Variants in FOXP1 observed in about 807,000 individuals in gnomAD.
FOXP1 encodes forkhead box P1.
In FOXP1, 15 loss-of-function variants were observed where a neutral mutation model predicts 98.2. That is an observed-to-expected ratio of 0.15 (90% CI 0.10 to 0.24). The LOEUF (loss-of-function observed/expected upper bound fraction) is 0.24. Among genes scored for constraint, FOXP1 ranks in the 10% least tolerant of loss-of-function variants. The pLI is 1.00. For missense variants in FOXP1, 633 were observed against 848.5 expected, an observed-to-expected ratio of 0.75 and a Z score of 3.15; for synonymous variants, 371 against 314.5, an observed-to-expected ratio of 1.18 and a Z score of -1.90.
intron 2 of FOXP1, among the ~76,000 whole-genome samples, chr3:71,535,700 G>T (rs1410866512): frequency 6.6e-6 from 1 of 152,118 alleles, no homozygotes; most frequent in Non-Finnish European, 1.5e-5. Context: ...CTCCAGACTG[G>T]GTGACAGAGG....
At chr3:71,175,403 C>T (rs2061886875) in intron 6 of FOXP1, among the ~76,000 whole-genome samples, 2 of 152,366 alleles carry the variant, frequency 1.3e-5, no homozygotes, top group South Asian at 4.1e-4. Flanking sequence ...GGCTCCCTGC[C>T]TCTCCAATAG....
intron 2 of FOXP1, chr3:71,570,629 T>A (rs2047268186): frequency 6.6e-6 from 1 of 152,214 alleles, no homozygotes; most frequent in Non-Finnish European, 1.5e-5. Flanking sequence ...TAAGCAATCA[T>A]CTCAGCCCAA....
At chr3:71,060,877 G>A (rs1414429441) in intron 7 of FOXP1, among the ~76,000 whole-genome samples, 3 of 152,112 alleles carry the variant, frequency 2.0e-5, no homozygotes, top group Non-Finnish European at 4.4e-5. Context: ...TTGATTAGTT[G>A]CTTTTAACCG....
At chr3:70,973,833 CCG>C (rs1394315001) in intron 17 of FOXP1, among the ~76,000 whole-genome samples, 35 of 32,478 alleles carry the variant, frequency 1.1e-3, no homozygotes, top group African/African-American at 5.0e-3. Context: ...GTTTTGCACA[CCG>C]CCCCCCCCCC....
chr3:71,110,247 CAT>C (rs1210778498), intron 7 of FOXP1, among the ~76,000 whole-genome samples: 1 of 152,064 alleles, frequency 6.6e-6, no homozygotes, highest in Non-Finnish European at 1.5e-5. Flanking sequence ...CTAAAAATGC[CAT>C]ATGTTTTTAA....
chr3:71,396,902 G>A (rs2108165112), intron 3 of FOXP1, among the ~76,000 whole-genome samples: 1 of 96,886 alleles, frequency 1.0e-5, no homozygotes, highest in Admixed American at 1.1e-4. Flanking sequence ...GAGTCATAAG[G>A]AACATATATA....
intron 6 of FOXP1, among the ~76,000 whole-genome samples, chr3:71,115,010 C>T (rs1462349349): frequency 6.6e-6 from 1 of 152,104 alleles, no homozygotes; most frequent in Non-Finnish European, 1.5e-5. Context: ...AGCTATTGCA[C>T]ATGAAGGTTT....
At chr3:71,480,525 A>G (rs991650311) in intron 3 of FOXP1, among the ~76,000 whole-genome samples, 2 of 152,240 alleles carry the variant, frequency 1.3e-5, no homozygotes, top group Non-Finnish European at 2.9e-5. Context: ...TTTGTCAAAA[A>G]GAAGTGCCCT....
chr3:71,344,508 C>T (rs114141409), intron 4 of FOXP1, among the ~76,000 whole-genome samples: 4,182 of 152,182 alleles, frequency 0.027, 143 homozygotes, highest in African/African-American at 0.072. Context: ...TTTTAATACC[C>T]GGATTTCTCT....
At chr3:71,273,703 C>CA (rs554617245) in intron 5 of FOXP1, among the ~76,000 whole-genome samples, 5 of 151,366 alleles carry the variant, frequency 3.3e-5, no homozygotes, top group Non-Finnish European at 4.4e-5. Flanking sequence ...AGACAATGAG[C>CA]AAAAAAAGAA....
rs112433046 is a variant in FOXP1, at chr3:71,339,591, T to A, written c.-73+19559A>T. 8.3e-3 allele frequency among the ~76,000 whole-genome samples: 1,265 copies of A among 152,352 alleles called. 19 individuals are homozygous for A. Among genetic ancestry groups the A allele is most frequent in the African/African-American group, 0.028 (1,154 of 41,582 alleles). ...TTGGGCTCTAATTTTGTAAGAGATGTCTCTCTGCTTTCAAAATTAGTCCCT... is the reference window on the plus strand; with the variant it reads ...TTGGGCTCTAATTTTGTAAGAGATGACTCTCTGCTTTCAAAATTAGTCCCT... On this transcript the variant is annotated intron_variant, in intron 4 of 20. Coordinates refer to ENST00000649528, the MANE Select transcript of FOXP1 (RefSeq NM_001349338.3).
intron 5 of FOXP1, among the ~76,000 whole-genome samples, chr3:71,278,825 T>C (rs1262024123): frequency 6.6e-6 from 1 of 151,710 alleles, no homozygotes; most frequent in Non-Finnish European, 1.5e-5. Flanking sequence ...AAATACCAAT[T>C]AAATAATACC....
intron 2 of FOXP1, among the ~76,000 whole-genome samples, chr3:71,510,398 A>AC (rs1241109310): frequency 6.6e-6 from 1 of 151,860 alleles, no homozygotes. Context: ...AATCGCTTGA[A>AC]CCCAGGAGGC....
At chr3:71,187,451 C>T (rs565200280) in intron 6 of FOXP1, among the ~76,000 whole-genome samples, 32 of 152,088 alleles carry the variant, frequency 2.1e-4, no homozygotes, top group Admixed American at 3.9e-4. Flanking sequence ...GGCATGGTGG[C>T]GCACATCTGA....
At chr3:71,298,431 C>G (rs1338948222) in intron 5 of FOXP1, among the ~76,000 whole-genome samples, 2 of 151,896 alleles carry the variant, frequency 1.3e-5, no homozygotes, top group Non-Finnish European at 2.9e-5. Flanking sequence ...CGCCACTGCA[C>G]TCCAGCCTGG....
intron 7 of FOXP1, among the ~76,000 whole-genome samples, chr3:71,079,300 TC>T (rs749224019): frequency 8.5e-5 from 13 of 152,130 alleles, no homozygotes; most frequent in Non-Finnish European, 1.6e-4. Flanking sequence ...TTACAATCAT[TC>T]CTCACTAATT....
chr3:71,320,821 TCAGCAACACGCGGCC>T (rs1350609116), intron 4 of FOXP1, among the ~76,000 whole-genome samples: 1 of 152,190 alleles, frequency 6.6e-6, no homozygotes, highest in Non-Finnish European at 1.5e-5. Flanking sequence ...CTACAATGGT[TCAGCAACACGCGGCC>T]AAGCAAATCA....
At chr3:71,230,883 T>C (rs2066231241) in intron 5 of FOXP1, among the ~76,000 whole-genome samples, 1 of 152,230 alleles carries the variant, frequency 6.6e-6, no homozygotes, top group Non-Finnish European at 1.5e-5. Flanking sequence ...TTTATTAAGT[T>C]ATCAAATAAT....
At chr3:71,416,382 T>C (rs188197629) in intron 3 of FOXP1, among the ~76,000 whole-genome samples, 22 of 152,066 alleles carry the variant, frequency 1.4e-4, no homozygotes, top group Non-Finnish European at 2.9e-4. Context: ...CAGACAATTT[T>C]AAAATAAAAA....
Sources: allele counts gnomAD v4.1 joint callset (sites outside exome capture counted in the v4.1 genomes callset), GRCh38; gene constraint gnomAD v4.1.1; transcripts MANE v1.5; gene names NCBI Gene and HGNC (gene_info 2026-07-23, HGNC 2026-07-21).